LYRM4: variants seen among roughly 807,000 people sequenced by gnomAD.
The protein encoded by LYRM4 is LYR motif-containing protein 4.
A neutral mutation model predicts 11.7 loss-of-function variants in LYRM4; 9 were observed. The observed-to-expected ratio is 0.77, with a 90% CI of 0.46 to 1.34. The LOEUF (loss-of-function observed/expected upper bound fraction) is 1.34. Ranked by LOEUF, LYRM4 falls within the 40% of genes most tolerant of loss-of-function variation. The pLI is 0.00. For missense variants in LYRM4, 133 were observed against 112.5 expected, an observed-to-expected ratio of 1.18 and a Z score of -0.82; for synonymous variants, 42 against 40.4, an observed-to-expected ratio of 1.04 and a Z score of -0.15.
the LYRM4 span, among the ~76,000 whole-genome samples, chr6:5,083,105 C>T: frequency 6.6e-6 from 1 of 152,178 alleles, no homozygotes; most frequent in Non-Finnish European, 1.5e-5. Context: ...GACCAGTGCA[C>T]CTGCATGACC....
At chr6:5,048,755 A>G in the LYRM4 span, among the ~76,000 whole-genome samples, 1 of 152,242 alleles carries the variant, frequency 6.6e-6, no homozygotes, top group African/African-American at 2.4e-5. Flanking sequence ...AGCAGCTCAC[A>G]GGAGGGTAGG....
intron 2 of LYRM4, among the ~76,000 whole-genome samples, chr6:5,179,059 A>AAAAAAC (rs1759903942): frequency 1.4e-5 from 1 of 69,596 alleles, no homozygotes; most frequent in Non-Finnish European, 2.7e-5. Context: ...AAACAAACCA[A>AAAAAAC]AAAAACAAAA....
At chr6:5,182,404 T>C (rs1760129257) in intron 2 of LYRM4, among the ~76,000 whole-genome samples, 2 of 152,250 alleles carry the variant, frequency 1.3e-5, no homozygotes, top group African/African-American at 4.8e-5. Context: ...AGCAACTGCT[T>C]TTTAAATTGG....
chr6:5,169,311 A>C (rs1759280070), intron 2 of LYRM4, among the ~76,000 whole-genome samples: 1 of 152,200 alleles, frequency 6.6e-6, no homozygotes, highest in Admixed American at 6.5e-5. Context: ...TCAATGGTGG[A>C]GATAAAACTG....
chr6:5,195,422 C>T lies in LYRM4; in HGVS notation c.207+21196G>A, dbSNP rs555689807. 1.7e-3 allele frequency among the ~76,000 whole-genome samples: 255 copies of T among 150,914 alleles called. 2 individuals carry two copies. Among genetic ancestry groups the T allele is most frequent in the Middle Eastern group, 6.8e-3 (2 of 294 alleles). On this transcript the variant is annotated intron_variant, in intron 2 of 2. Coordinates refer to ENST00000330636, the MANE Select transcript of LYRM4 (RefSeq NM_020408.6). ...GTCAGGAGTTTGAGACCAGCCTGGC[C>T]AACATGGTGAAACCCCATCTCTACA...
intron 1 of LYRM4, among the ~76,000 whole-genome samples, chr6:5,230,160 A>G (rs1292946447): frequency 6.6e-6 from 1 of 152,122 alleles, no homozygotes; most frequent in African/African-American, 2.4e-5. Context: ...AGACAGTGCA[A>G]TTTCCTGAAG....
the LYRM4 span, among the ~76,000 whole-genome samples, chr6:5,068,907 A>G: frequency 2.1e-3 from 315 of 152,328 alleles, no homozygotes; most frequent in African/African-American, 7.3e-3. The surrounding 1 kb of genome is among the most constrained non-coding windows in gnomAD (Gnocchi z 4.0). Context: ...AAACTTCACC[A>G]TAAGTTTGAT....
the LYRM4 span, among the ~76,000 whole-genome samples, chr6:5,057,070 C>T: frequency 2.0e-5 from 3 of 152,110 alleles, no homozygotes; most frequent in Non-Finnish European, 4.4e-5. Flanking sequence ...TTAAGTGATA[C>T]GGGTAGGGCT....
chr6:5,205,972 C>T lies in LYRM4; in HGVS notation c.207+10646G>A, dbSNP rs1055163828. 2.0e-5 allele frequency among the ~76,000 whole-genome samples: 3 copies of T among 152,214 alleles called. No homozygotes were observed. In the East Asian group the frequency reaches 5.8e-4, roughly 29 times the overall value. ...CAGCTCCAGGCTTTTCTCAAACAGGCCCCGCTGCTGGAGCCGACCGTGAAG... is the reference window on the plus strand; with the variant it reads ...CAGCTCCAGGCTTTTCTCAAACAGGTCCCGCTGCTGGAGCCGACCGTGAAG... On this transcript the variant is annotated intron_variant, in intron 2 of 2. Transcript: ENST00000330636.
At chr6:5,260,598 T>TGCCCCGGGCCCCGGGCCCCCCCCCCCCCC in intron 1 of LYRM4, 50 bp downstream of exon 1, 1 of 1,105,570 alleles carries the variant, frequency 9.0e-7, no homozygotes, top group Non-Finnish European at 1.3e-6. Context: ...GCACCCCCGG[T>TGCCCCGGGCCCCGGGCCCCCCCCCCCCCC]CCCCGGCCCC....
chr6:5,188,505 C>T (rs977868187), intron 2 of LYRM4, among the ~76,000 whole-genome samples: 3 of 152,024 alleles, frequency 2.0e-5, no homozygotes, highest in Admixed American at 1.3e-4. Flanking sequence ...TGTTTTTGTT[C>T]CTCTTATTTT....
downstream of LYRM4, chr6:5,105,556 T>A (rs1762638617): frequency 6.6e-6 from 1 of 152,524 alleles, no homozygotes; most frequent in Non-Finnish European, 1.5e-5. Flanking sequence ...CTCACGCCTG[T>A]AATCCCAGCA....
chr6:5,221,624 G>A (rs1334410773), intron 1 of LYRM4, among the ~76,000 whole-genome samples: 2 of 152,200 alleles, frequency 1.3e-5, no homozygotes, highest in African/African-American at 2.4e-5. Flanking sequence ...ACCCGGAGGC[G>A]GAAGTTGCAG....
Position 5,152,617 on chromosome 6 carries a change from C to G in LYRM4, c.208-43126G>C, listed in dbSNP as rs922988628. On this transcript the variant is annotated intron_variant, in intron 2 of 2. Transcript: ENST00000330636. ...CCTGGCTGTTCCCCTCTGTTGTACA[C>G]GCTTCCTCCCTCAGCCCCATTACAA... 7.9e-5 allele frequency among the ~76,000 whole-genome samples: 12 copies of G among 152,206 alleles called. 1 individual carries two copies. The South Asian group carries it at 2.5e-3, about 31-fold the overall frequency.
chr6:5,115,672 C>T (rs746638017), intron 2 of LYRM4, among the ~76,000 whole-genome samples: 1 of 152,110 alleles, frequency 6.6e-6, no homozygotes, highest in Non-Finnish European at 1.5e-5. Context: ...GGGGGGCAAT[C>T]TGAAGAGCCA....
the LYRM4 span, chr6:5,086,591 C>A: frequency 6.9e-7 from 1 of 1,459,270 alleles, no homozygotes; most frequent in Non-Finnish European, 9.1e-7. Flanking sequence ...AGCCGTGGGG[C>A]GGGGTTGATT....
chr6:5,119,794 C>CAAAAAAAAAAA (rs968606439), intron 2 of LYRM4, among the ~76,000 whole-genome samples: 8 of 16,878 alleles, frequency 4.7e-4, no homozygotes, highest in African/African-American at 9.9e-4. Flanking sequence ...GTCTCCATAA[C>CAAAAAAAAAAA]AAAAAAAAAA....
chr6:5,179,537 C>T (rs1402836550), intron 2 of LYRM4, among the ~76,000 whole-genome samples: 4 of 152,164 alleles, frequency 2.6e-5, no homozygotes, highest in African/African-American at 9.7e-5. Flanking sequence ...TTCTTTTGTG[C>T]CTGGCTTATT....
intron 1 of LYRM4, among the ~76,000 whole-genome samples, chr6:5,242,739 C>A (rs1260661826): frequency 6.6e-6 from 1 of 151,094 alleles, no homozygotes; most frequent in African/African-American, 2.4e-5. Context: ...ACAACAGCAA[C>A]AACATGAATA....
Sources: gnomAD v4.1 joint callset for allele counts (sites outside exome capture counted in the v4.1 genomes callset) on GRCh38, gnomAD v4.1.1 for gene constraint, Gnocchi (gnomAD v3.1) non-coding constraint, MANE v1.5 for transcripts, NCBI Gene and HGNC (gene_info 2026-07-23, HGNC 2026-07-21) for gene names.